Variants in ZNF469 observed in about 807,000 individuals in gnomAD.
ZNF469 encodes zinc finger protein 469.
ZNF469 carries 1 observed loss-of-function variant against 1.0 expected under a neutral mutation model. The ratio of observed to expected loss-of-function variants is 1.00; its 90% CI spans 0.35 to 4.73. ZNF469 has a LOEUF of 4.73. Among genes scored for constraint, ZNF469 ranks in the 30% most tolerant of loss-of-function variants. ZNF469 has a pLI of 0.16. For missense variants in ZNF469, 6,100 were observed against 5,356.3 expected, an observed-to-expected ratio of 1.14 and a Z score of -4.33; for synonymous variants, 2,703 against 2,363.4, an observed-to-expected ratio of 1.14 and a Z score of -4.17.
At chr16:88,381,355 TAC>T (rs1023802889), upstream of ZNF469, among the ~76,000 whole-genome samples, 12 of 82,156 alleles carry the variant, frequency 1.5e-4, no homozygotes, top group African/African-American at 6.5e-4. Context: ...CACACACTTA[TAC>T]ACACATGCAC....
chr16:88,167,746 G>A, the ZNF469 span, among the ~76,000 whole-genome samples: 1 of 152,338 alleles, frequency 6.6e-6, no homozygotes, highest in East Asian at 1.9e-4. Flanking sequence ...CTGCAAATGG[G>A]GGGTGGGTGT....
intron 1 of ZNF469, among the ~76,000 whole-genome samples, chr16:88,410,317 C>A (rs1430191948): frequency 1.4e-5 from 2 of 145,646 alleles, no homozygotes; most frequent in Non-Finnish European, 3.0e-5. Context: ...ACAGTGACAT[C>A]TATGGTGCAT....
chr16:88,184,538 C>T, the ZNF469 span, among the ~76,000 whole-genome samples: 1 of 151,954 alleles, frequency 6.6e-6, no homozygotes, highest in East Asian at 1.9e-4. Context: ...TTTTGCCAGC[C>T]TGTGCCTCCC....
chr16:88,179,807 A>G, the ZNF469 span, among the ~76,000 whole-genome samples: 23 of 152,240 alleles, frequency 1.5e-4, no homozygotes, highest in Non-Finnish European at 3.2e-4. Flanking sequence ...AAGACGGGAA[A>G]AGTGTATTGT....
At chr16:88,230,601 CGGGG>C in the ZNF469 span, among the ~76,000 whole-genome samples, 3 of 65,076 alleles carry the variant, frequency 4.6e-5, no homozygotes, top group South Asian at 1.4e-3. Context: ...TCTGAGCCTC[CGGGG>C]ACGCCCCCTC....
the ZNF469 span, among the ~76,000 whole-genome samples, chr16:88,236,728 G>A: frequency 2.0e-5 from 3 of 152,014 alleles, no homozygotes; most frequent in Non-Finnish European, 4.4e-5. Context: ...TTAGCCGGGC[G>A]TGGTGGGGGG....
the ZNF469 span, among the ~76,000 whole-genome samples, chr16:88,141,355 A>C: frequency 6.6e-6 from 1 of 152,182 alleles, no homozygotes; most frequent in Non-Finnish European, 1.5e-5. Flanking sequence ...CAGCCCGGGA[A>C]AGACGCCCTG....
At chr16:88,352,654 C>T in the ZNF469 span, among the ~76,000 whole-genome samples, 13 of 152,236 alleles carry the variant, frequency 8.5e-5, no homozygotes, top group African/African-American at 2.7e-4. Flanking sequence ...CCAAACCTGC[C>T]GTGGGAATGA....
chr16:88,106,144 G>C, the ZNF469 span, among the ~76,000 whole-genome samples: 1 of 152,198 alleles, frequency 6.6e-6, no homozygotes, highest in African/African-American at 2.4e-5. Flanking sequence ...GGGTAGCCGG[G>C]TCCCTGCAGA....
the ZNF469 span, among the ~76,000 whole-genome samples, chr16:88,278,739 G>A: frequency 1.5e-5 from 2 of 136,044 alleles, 1 homozygote; most frequent in Admixed American, 1.6e-4. Context: ...GTAGATATCA[G>A]TGCACGGTTA....
At chr16:88,247,734 T>A in the ZNF469 span, among the ~76,000 whole-genome samples, 1 of 151,644 alleles carries the variant, frequency 6.6e-6, no homozygotes, top group South Asian at 2.1e-4. Context: ...AGTGAGTGAG[T>A]CAATGAGTGA....
the ZNF469 span, among the ~76,000 whole-genome samples, chr16:88,221,680 C>CG: frequency 3.3e-5 from 5 of 152,180 alleles, no homozygotes; most frequent in African/African-American, 9.7e-5. Flanking sequence ...GACCACACAC[C>CG]GGGGGGCTTC....
chr16:88,342,397 C>T, the ZNF469 span, among the ~76,000 whole-genome samples: 9 of 152,240 alleles, frequency 5.9e-5, no homozygotes, highest in South Asian at 2.1e-4. Context: ...CCCTGTGCCC[C>T]GCTCATGGCC....
chr16:88,290,705 A>C, the ZNF469 span, among the ~76,000 whole-genome samples: 1 of 152,224 alleles, frequency 6.6e-6, no homozygotes, highest in African/African-American at 2.4e-5. Context: ...AGCTCTGCCC[A>C]ATCTGGTTCT....
In ZNF469 at chr16:88,430,944, G is replaced by T; in HGVS notation, c.3474G>T (p.Pro1158=). 1 of 1,535,734 alleles carries T rather than the reference G, an allele frequency of 6.5e-7. No homozygotes were observed. Among genetic ancestry groups the T allele is most frequent in the Non-Finnish European group, 8.7e-7 (1 of 1,145,000 alleles). Reference sequence around the variant, plus strand: ...GAGCCCCCGCGAACCCCGAGGAGCCGGGCGGGTCTCGCCCGGGCCCCGGCA... The same window carrying T: ...GAGCCCCCGCGAACCCCGAGGAGCCTGGCGGGTCTCGCCCGGGCCCCGGCA... The part of the protein sequence containing the change: ...GDGAPANPEE[P]GGSRPGPGRS... The change falls in exon 3 of 3, where the codon CCG becomes CCT. Residue 1158 remains proline (P), a synonymous_variant. Transcript: ENST00000565624.
At chr16:88,426,088 C>T (rs1824521438) in intron 2 of ZNF469, among the ~76,000 whole-genome samples, 1 of 152,264 alleles carries the variant, frequency 6.6e-6, no homozygotes, top group African/African-American at 2.4e-5. Flanking sequence ...CCGGGAGGGG[C>T]ATGAGACACC....
chr16:88,202,447 C>G, the ZNF469 span, among the ~76,000 whole-genome samples: 2 of 152,138 alleles, frequency 1.3e-5, no homozygotes, highest in Non-Finnish European at 2.9e-5. Flanking sequence ...ATAAGCTGCA[C>G]CCACCTGTCC....
chr16:88,267,675 G>A, the ZNF469 span, among the ~76,000 whole-genome samples: 3 of 151,426 alleles, frequency 2.0e-5, no homozygotes, highest in Admixed American at 6.6e-5. Flanking sequence ...TGGGGGATAA[G>A]GGCTGAGTGG....
At chr16:88,249,200 G>A in the ZNF469 span, among the ~76,000 whole-genome samples, 91 of 146,284 alleles carry the variant, frequency 6.2e-4, no homozygotes, top group African/African-American at 2.0e-3. Context: ...ACAATATGCC[G>A]TCAATACCCA....
Sources: gnomAD v4.1 joint callset for allele counts (sites outside exome capture counted in the v4.1 genomes callset) on GRCh38, gnomAD v4.1.1 for gene constraint, MANE v1.5 for transcripts, NCBI Gene and HGNC (gene_info 2026-07-23, HGNC 2026-07-21) for gene names.